PRPF8: variants seen among roughly 807,000 people sequenced by gnomAD.
PRPF8 encodes pre-mRNA processing factor 8.
A neutral mutation model predicts 285.9 loss-of-function variants in PRPF8; 64 were observed. The ratio of observed to expected loss-of-function variants is 0.22; its 90% CI spans 0.18 to 0.28. The LOEUF (loss-of-function observed/expected upper bound fraction) is 0.28, where lower values mean the gene tolerates loss of function less well. Among genes scored for constraint, PRPF8 ranks in the 10% least tolerant of loss-of-function variants. The pLI, the probability that PRPF8 is intolerant of heterozygous loss-of-function variation, is 1.00. For synonymous variants in PRPF8, 1,325 were observed against 1,118.2 expected (o/e 1.18, Z -3.69); for missense variants, 1,426 against 3,026.7 (o/e 0.47, Z 12.41).
Position 1,658,995 on chromosome 17 carries a change from G to A in PRPF8, c.5139-232C>T, listed in dbSNP as rs1157841199. 2 of 637,276 alleles carry A rather than the reference G, an allele frequency of 3.1e-6. No homozygotes were observed. Among genetic ancestry groups the A allele is most frequent in the South Asian group, 1.7e-5 (1 of 57,460 alleles). 39.5% of individuals were successfully genotyped at this position (637,276 alleles called of 1,614,324 possible). A position where few individuals can be genotyped will look rare whatever the true frequency, so the allele number is the denominator to read the frequency against. ...ACTACGTTAAAGTATGGAGCTAATG[G>A]AAAATACACGGATTATTTATTTATT... On this transcript the variant is annotated intron_variant, in intron 32 of 42. Coordinates refer to ENST00000304992, the MANE Select transcript of PRPF8 (RefSeq NM_006445.4). This position sits in a 1 kb window ranked among gnomAD's most constrained non-coding sequence, Gnocchi z 4.1.
At chr17:1,682,701 C>A (rs148497441) in intron 3 of PRPF8, among the ~76,000 whole-genome samples, 2 of 152,204 alleles carry the variant, frequency 1.3e-5, no homozygotes, top group Non-Finnish European at 1.5e-5. Context: ...ACCCTCTGCT[C>A]GCTACTATAT....
chr17:1,678,085 A>G (rs1162463168), intron 13 of PRPF8, among the ~76,000 whole-genome samples: 1 of 152,190 alleles, frequency 6.6e-6, no homozygotes, highest in Admixed American at 6.5e-5. Flanking sequence ...GAGGCCGAGG[A>G]GTGTGGATCA....
In PRPF8 at chr17:1,679,910, G is replaced by A. The variant is rs573095377; in HGVS notation, c.1099-111C>T. ...AAAGCCTGTATCTGCTATGGAAACTGGGCTGTCTGACAAAAGCAGCCCTGA... is the reference window on the plus strand; with the variant it reads ...AAAGCCTGTATCTGCTATGGAAACTAGGCTGTCTGACAAAAGCAGCCCTGA... On this transcript the variant is annotated intron_variant, in intron 8 of 42. Transcript: ENST00000304992. This position sits in a 1 kb window ranked among gnomAD's most constrained non-coding sequence, Gnocchi z 4.7. The A allele has an allele frequency of 3.8e-6, 5 of 1,325,842 alleles. No individual in the cohort carries two copies. The highest frequency in any genetic ancestry group is 5.4e-6 in the Non-Finnish European group (5 of 920,470). The allele number at this position is 1,325,842 out of a possible 1,614,324, so 82.1% of individuals were successfully genotyped here.
At chr17:1,669,082 C>G (rs1343805882) in intron 24 of PRPF8, among the ~76,000 whole-genome samples, 1 of 152,042 alleles carries the variant, frequency 6.6e-6, no homozygotes. Context: ...CTAGGGAGAC[C>G]CTCTGCACCT....
In PRPF8 at chr17:1,653,230, G is replaced by T; in HGVS notation, c.6369+312C>A. The T allele has an allele frequency of 2.0e-6, 1 of 498,896 alleles. No homozygotes were observed. Among genetic ancestry groups the T allele is most frequent in the Non-Finnish European group, 3.7e-6 (1 of 273,318 alleles). 30.9% of individuals were successfully genotyped at this position (498,896 alleles called of 1,614,324 possible). On this transcript the variant is annotated intron_variant, in intron 39 of 42. Transcript: ENST00000304992. This position sits in a 1 kb window ranked among gnomAD's most constrained non-coding sequence, Gnocchi z 4.9. ...GCTGGGATTATAGGCATTAGCCACT[G>T]TGCCCAGCCGAGTGTTGGGATTACA... is the stretch of plus-strand genomic sequence containing the variant.
chr17:1,672,447 T>C (rs186597459), intron 24 of PRPF8, among the ~76,000 whole-genome samples: 22 of 152,220 alleles, frequency 1.4e-4, no homozygotes, highest in African/African-American at 5.3e-4. Context: ...GCCCGGTTAA[T>C]TTTTGTATTT....
At chr17:1,683,492 G>C in intron 3 of PRPF8, 41 bp downstream of exon 3, 1 of 1,611,322 alleles carries the variant, frequency 6.2e-7, no homozygotes, top group Non-Finnish European at 8.5e-7. Context: ...GAAGGGAAAA[G>C]GGCCAAATTC....
chr17:1,670,568 C>T (rs562796409), intron 24 of PRPF8, among the ~76,000 whole-genome samples: 23 of 151,950 alleles, frequency 1.5e-4, no homozygotes, highest in Non-Finnish European at 3.2e-4. Flanking sequence ...CTCACTGCAA[C>T]CTCCGCCTCC....
chr17:1,673,944 C>T lies in PRPF8; in HGVS notation c.3300-52G>A, dbSNP rs1912467144. 6.2e-7 allele frequency: 1 copy of T among 1,602,008 alleles called. No homozygotes were observed. Among genetic ancestry groups the T allele is most frequent in the African/African-American group, 1.3e-5 (1 of 74,818 alleles). ...GGCCCCAGTACACTGAGATTTGGGA[C>T]ACCCACAAGTCCTCCAGCTCAATAG... On this transcript the variant is annotated intron_variant, in intron 21 of 42. Coordinates refer to ENST00000304992, the MANE Select transcript of PRPF8 (RefSeq NM_006445.4). This position sits in a 1 kb window ranked among gnomAD's most constrained non-coding sequence, Gnocchi z 5.5.
chr17:1,664,729 A>G (rs1911864462), intron 24 of PRPF8, among the ~76,000 whole-genome samples: 1 of 152,224 alleles, frequency 6.6e-6, no homozygotes, highest in South Asian at 2.1e-4. Context: ...ATGGAATCAA[A>G]GCAGAAACTA....
Position 1,675,038 on chromosome 17 carries a change from G to A in PRPF8, c.3060+114C>T, listed in dbSNP as rs187467240. ...TCTGCCCGCCTCAGCCTCCCAAAGT[G>A]CTGGGATTACAGGCATGAGCCACCG... On this transcript the variant is annotated intron_variant, in intron 20 of 42. Transcript: ENST00000304992. The surrounding 1 kb of genome is among the most constrained non-coding windows in gnomAD (Gnocchi z 6.0). The A allele has an allele frequency of 1.4e-5, 18 of 1,268,446 alleles. No individual in the cohort carries two copies. In the Admixed American group the frequency reaches 2.4e-4, roughly 17 times the overall value. The allele number at this position is 1,268,446 out of a possible 1,614,324, so 78.6% of individuals were successfully genotyped here.
At chr17:1,663,628 GA>G (rs1191275468) in intron 24 of PRPF8, among the ~76,000 whole-genome samples, 2 of 138,576 alleles carry the variant, frequency 1.4e-5, no homozygotes, top group Non-Finnish European at 3.0e-5. Context: ...AGAATCGCTT[GA>G]ACTCGGGAGG....
Position 1,651,365 on chromosome 17 carries a change from C to A in PRPF8, c.6650+49G>T. On this transcript the variant is annotated intron_variant, in intron 41 of 42. Coordinates refer to ENST00000304992, the MANE Select transcript of PRPF8 (RefSeq NM_006445.4). This position sits in a 1 kb window ranked among gnomAD's most constrained non-coding sequence, Gnocchi z 5.1. ...CTCAGGCCACTGTTCTGGGCCCTGG[C>A]CTGCAATCCCTGCCCCACCATACTT... The A allele has an allele frequency of 1.2e-6, 2 of 1,614,058 alleles. No individual in the cohort carries two copies. The highest frequency in any genetic ancestry group is 1.7e-6 in the Non-Finnish European group (2 of 1,180,006).
In PRPF8 at chr17:1,668,422, C is replaced by G. The variant is rs553056398; in HGVS notation, c.3774+4659G>C. 2.1e-3 allele frequency among the ~76,000 whole-genome samples: 295 copies of G among 137,262 alleles called. 4 individuals are homozygous for G. Among genetic ancestry groups the G allele is most frequent in the Non-Finnish European group, 6.1e-4 (40 of 65,922 alleles). The allele number at this position is 137,262 out of a possible 152,430, so 90.0% of individuals were successfully genotyped here. A position where few individuals can be genotyped will look rare whatever the true frequency, so the allele number is the denominator to read the frequency against. On this transcript the variant is annotated intron_variant, in intron 24 of 42. Coordinates refer to ENST00000304992, the MANE Select transcript of PRPF8 (RefSeq NM_006445.4). ...TGTCACCCAGGCTGGAGTGCAGTGT[C>G]GCGATCTCGGTTCACTGCAAGCTCT...
At chr17:1,656,306 G>A in intron 36 of PRPF8, 86 bp downstream of exon 36, 1 of 1,560,488 alleles carries the variant, frequency 6.4e-7, no homozygotes. Flanking sequence ...CTAAAAATGT[G>A]AAAATGGCAA....
Position 1,679,266 on chromosome 17 carries a change from G to A in PRPF8, c.1409+25C>T. 1 of 1,614,174 alleles carries A rather than the reference G, an allele frequency of 6.2e-7. No individual in the cohort carries two copies. ...ACTGATATCTCTGGAACAGAAGTCT[G>A]CGCAGGGCCCCTGGGGCACCTTACC... On this transcript the variant is annotated intron_variant, in intron 10 of 42. Transcript: ENST00000304992. The surrounding 1 kb of genome is among the most constrained non-coding windows in gnomAD (Gnocchi z 4.7).
chr17:1,675,414 A>AC lies in PRPF8; in HGVS notation c.2873-76dup, dbSNP rs1326610456. On this transcript the variant is annotated intron_variant, in intron 19 of 42. Transcript: ENST00000304992. This position sits in a 1 kb window ranked among gnomAD's most constrained non-coding sequence, Gnocchi z 6.0. ...GACTAGCCCCACAGGAACTATCATT[A>AC]CCTTCCATAACCAATCCCACTATGA... The AC allele has an allele frequency of 2.6e-6, 4 of 1,529,302 alleles. No homozygotes were observed. The African/African-American group carries it at 4.1e-5, about 16-fold the overall frequency. The allele number at this position is 1,529,302 out of a possible 1,614,324, so 94.7% of individuals were successfully genotyped here.
At chr17:1,677,964 T>C (rs376954209) in intron 13 of PRPF8, among the ~76,000 whole-genome samples, 3 of 152,106 alleles carry the variant, frequency 2.0e-5, no homozygotes, top group South Asian at 2.1e-4. Flanking sequence ...GCTCTCCAAA[T>C]AGGTCCCTGG....
intron 14 of PRPF8, 52 bp downstream of exon 14, chr17:1,677,513 G>C: frequency 1.9e-6 from 3 of 1,613,400 alleles, no homozygotes; most frequent in Non-Finnish European, 8.5e-7. Flanking sequence ...AACAGGGGCA[G>C]GTACTTTTGA....
Sources: allele counts gnomAD v4.1 joint callset (sites outside exome capture counted in the v4.1 genomes callset), GRCh38; gene constraint gnomAD v4.1.1; non-coding constraint Gnocchi (gnomAD v3.1); transcripts MANE v1.5; gene names NCBI Gene and HGNC (gene_info 2026-07-23, HGNC 2026-07-21).